Variants in CREB5 observed in about 807,000 individuals in gnomAD.
The protein encoded by CREB5 is cyclic AMP-responsive element-binding protein 5.
CREB5 carries 19 observed loss-of-function variants against 57.1 expected under a neutral mutation model. The observed-to-expected ratio is 0.33, with a 90% CI of 0.23 to 0.49. The LOEUF (loss-of-function observed/expected upper bound fraction) is 0.49, where lower values mean the gene tolerates loss of function less well. CREB5 is among the 20% of genes least tolerant of loss of function. The pLI is 0.99. For missense variants in CREB5, 579 were observed against 671.6 expected, an observed-to-expected ratio of 0.86 and a Z score of 1.52; for synonymous variants, 238 against 238.3, an observed-to-expected ratio of 1.00 and a Z score of 0.01.
intron 7 of CREB5, among the ~76,000 whole-genome samples, chr7:28,761,199 T>G (rs1288544307): frequency 1.3e-5 from 2 of 152,200 alleles, no homozygotes; most frequent in African/African-American, 2.4e-5. Flanking sequence ...ATATGCCCAA[T>G]GATCCCAAGT....
At chr7:28,689,142 T>G (rs1801107840) in intron 5 of CREB5, among the ~76,000 whole-genome samples, 1 of 152,212 alleles carries the variant, frequency 6.6e-6, no homozygotes, top group South Asian at 2.1e-4. Flanking sequence ...ATTAAAAATT[T>G]TTATTCAGAT....
At chr7:28,509,429 A>G (rs780693206) in intron 4 of CREB5, among the ~76,000 whole-genome samples, 1 of 152,196 alleles carries the variant, frequency 6.6e-6, no homozygotes, top group Non-Finnish European at 1.5e-5. Context: ...CCTTATGGAC[A>G]TGAGAATCAT....
At chr7:28,452,542 G>A (rs1374163198) in intron 1 of CREB5, among the ~76,000 whole-genome samples, 6 of 152,228 alleles carry the variant, frequency 3.9e-5, no homozygotes, top group Non-Finnish European at 2.9e-5. Context: ...ATGAAGGTGA[G>A]GGTAGGATTA....
chr7:28,527,047 A>G (rs1793479665), intron 4 of CREB5, among the ~76,000 whole-genome samples: 1 of 152,192 alleles, frequency 6.6e-6, no homozygotes, highest in Non-Finnish European at 1.5e-5. Flanking sequence ...TCCATTGTGT[A>G]TCTGAGGAGG....
intron 5 of CREB5, among the ~76,000 whole-genome samples, chr7:28,645,215 C>A (rs1238359924): frequency 6.6e-6 from 1 of 152,172 alleles, no homozygotes; most frequent in East Asian, 1.9e-4. Flanking sequence ...TCTTACCCTG[C>A]AATCTGTGGG....
At chr7:28,659,658 T>G (rs1172519580) in intron 5 of CREB5, among the ~76,000 whole-genome samples, 2 of 152,176 alleles carry the variant, frequency 1.3e-5, no homozygotes, top group Non-Finnish European at 2.9e-5. Flanking sequence ...AAAAAACTGA[T>G]GCAATATGGA....
chr7:28,651,835 A>G (rs1045621125), intron 5 of CREB5, among the ~76,000 whole-genome samples: 2 of 152,078 alleles, frequency 1.3e-5, no homozygotes, highest in Non-Finnish European at 2.9e-5. Flanking sequence ...CACTTTCACT[A>G]TTTCAAGCTT....
chr7:28,732,857 C>G, intron 7 of CREB5, among the ~76,000 whole-genome samples: 1 of 89,462 alleles, frequency 1.1e-5, no homozygotes, highest in East Asian at 2.6e-4. Flanking sequence ...TTTTTTTTTT[C>G]TTAAAACCCA....
intron 5 of CREB5, among the ~76,000 whole-genome samples, chr7:28,571,486 C>T (rs139545544): frequency 6.6e-6 from 1 of 152,112 alleles, no homozygotes; most frequent in African/African-American, 2.4e-5. Context: ...AAAGCAGGCC[C>T]CTCTCTCTCA....
chr7:28,327,313 C>T (rs1317539616), intron 1 of CREB5, among the ~76,000 whole-genome samples: 2 of 152,110 alleles, frequency 1.3e-5, no homozygotes, highest in African/African-American at 4.8e-5. Flanking sequence ...AGAAATGCTT[C>T]CAACCCATGA....
intron 7 of CREB5, among the ~76,000 whole-genome samples, chr7:28,793,183 A>G (rs1175012077): frequency 6.6e-6 from 1 of 152,080 alleles, no homozygotes; most frequent in African/African-American, 2.4e-5. Flanking sequence ...TTGAGGTCTC[A>G]GGCAGGGGTG....
At chr7:28,582,431 C>T (rs1380588970) in intron 5 of CREB5, among the ~76,000 whole-genome samples, 1 of 152,136 alleles carries the variant, frequency 6.6e-6, no homozygotes, top group East Asian at 1.9e-4. Context: ...TAATGAGTTC[C>T]ATTGTTAACT....
chr7:28,460,920 C>T (rs1790325242), intron 1 of CREB5, among the ~76,000 whole-genome samples: 1 of 151,668 alleles, frequency 6.6e-6, no homozygotes. Context: ...TATGGGGGGG[C>T]ATAGTGGCTT....
intron 1 of CREB5, among the ~76,000 whole-genome samples, chr7:28,365,138 T>G (rs1251964275): frequency 6.6e-6 from 1 of 152,192 alleles, no homozygotes; most frequent in Non-Finnish European, 1.5e-5. Context: ...AGAATAACAG[T>G]CTCAAACATT....
chr7:28,421,610 C>A (rs941127979), intron 1 of CREB5, among the ~76,000 whole-genome samples: 1 of 151,824 alleles, frequency 6.6e-6, no homozygotes, highest in African/African-American at 2.4e-5. Flanking sequence ...AAGCTAGGCA[C>A]GTAACACTGC....
intron 1 of CREB5, among the ~76,000 whole-genome samples, chr7:28,355,114 T>C (rs1047113992): frequency 2.0e-5 from 3 of 152,224 alleles, no homozygotes; most frequent in Non-Finnish European, 4.4e-5. Flanking sequence ...CTTGCAATTT[T>C]CTATTTCATT....
At chr7:28,807,006 T>C (rs1409242952) in intron 8 of CREB5, among the ~76,000 whole-genome samples, 2 of 152,206 alleles carry the variant, frequency 1.3e-5, no homozygotes, top group African/African-American at 4.8e-5. Flanking sequence ...AATTAGCATC[T>C]GGAATGACAA....
At chr7:28,453,122 G>A (rs1215209551) in intron 1 of CREB5, among the ~76,000 whole-genome samples, 1 of 152,150 alleles carries the variant, frequency 6.6e-6, no homozygotes, top group African/African-American at 2.4e-5. Flanking sequence ...GAAAATTTCT[G>A]TATATCTTAA....
At chr7:28,545,712 T>C (rs1427903401) in intron 4 of CREB5, among the ~76,000 whole-genome samples, 1 of 152,206 alleles carries the variant, frequency 6.6e-6, no homozygotes. Context: ...TCAGAGATCA[T>C]TGTCATCACA....
Sources: gnomAD v4.1 joint callset for allele counts (sites outside exome capture counted in the v4.1 genomes callset) on GRCh38, gnomAD v4.1.1 for gene constraint, MANE v1.5 for transcripts, NCBI Gene and HGNC (gene_info 2026-07-23, HGNC 2026-07-21) for gene names.